Variants in AURKAIP1 observed in about 807,000 individuals in gnomAD.
AURKAIP1 encodes aurora kinase A interacting protein 1.
Under a neutral mutation model 18.4 loss-of-function variants are expected in AURKAIP1, and 20 were observed. That is an observed-to-expected ratio of 1.09 (90% confidence interval 0.77 to 1.58). The LOEUF is 1.58. Ranked by LOEUF, AURKAIP1 falls within the 40% of genes most tolerant of loss-of-function variation. AURKAIP1 has a pLI of 0.00. For missense variants in AURKAIP1, 319 were observed against 270.7 expected (o/e 1.18, Z -1.25); for synonymous variants, 156 against 120.8 (o/e 1.29, Z -1.91).
chr1:1,374,451 G>T lies in AURKAIP1; in HGVS notation c.53-6C>A. On this transcript the variant is annotated splice_polypyrimidine_tract_variant and splice_region_variant and intron_variant, in intron 2 of 3. Transcript: ENST00000338338. ...GGGCCAAGGCGGGCGGCCGCCTGCAGAAAACCAGACGCCACGGTCACCGCT... is the reference window on the plus strand; with the variant it reads ...GGGCCAAGGCGGGCGGCCGCCTGCATAAAACCAGACGCCACGGTCACCGCT... The T allele has an allele frequency of 5.5e-6, 8 of 1,444,154 alleles. No homozygotes were observed. Among genetic ancestry groups the T allele is most frequent in the Non-Finnish European group, 7.3e-6 (8 of 1,103,336 alleles). 89.5% of individuals were successfully genotyped at this position (1,444,154 alleles called of 1,614,324 possible). A position where few individuals can be genotyped will look rare whatever the true frequency, so the allele number is the denominator to read the frequency against.
At chr1:1,374,622 CGG>C in intron 2 of AURKAIP1, 81 bp downstream of exon 2, 3 of 1,461,052 alleles carry the variant, frequency 2.1e-6, no homozygotes, top group Non-Finnish European at 2.8e-6. Context: ...GTGTGGCCAC[CGG>C]CCCTGCCCCA....
chr1:1,374,980 G>A, intron 1 of AURKAIP1, 174 bp downstream of exon 1: 2 of 505,364 alleles, frequency 4.0e-6, no homozygotes, highest in Non-Finnish European at 7.0e-6. Context: ...CGCGGGCGGT[G>A]TCGCGCTCGG....
chr1:1,373,893 C>G lies in AURKAIP1; in HGVS notation c.508G>C (p.Glu170Gln), dbSNP rs1288646124. 6.2e-7 allele frequency: 1 copy of G among 1,608,876 alleles called. No homozygotes were observed. The highest frequency in any genetic ancestry group is 1.3e-5 in the African/African-American group (1 of 75,062). ...GRLRRKQIKF[E>Q]KDLRRIWLKA... Reference sequence around the variant, plus strand: ...AGCCAGATGCGCCTCAGGTCTTTCTCGAACTTGATCTGCAAGACGCAGAGA... The same window carrying G: ...AGCCAGATGCGCCTCAGGTCTTTCTGGAACTTGATCTGCAAGACGCAGAGA... Residue 170 changes from glutamate (E) to glutamine (Q), a missense_variant, in exon 4 of 4, where the codon GAG becomes CAG. Coordinates refer to ENST00000338338, the MANE Select transcript of AURKAIP1 (RefSeq NM_017900.3).
Position 1,374,180 on chromosome 1 carries a change from G to A in AURKAIP1, c.318C>T (p.Ser106=). ...APPQSYQCPP[S]QIGEGAEQGD... is the part of the protein sequence containing the mutation. ...CCTGCTCGGCCCCTTCCCCTATCTGGCTGGGCGGACACTGGTAGGATTGCG... is the reference window on the plus strand; with the variant it reads ...CCTGCTCGGCCCCTTCCCCTATCTGACTGGGCGGACACTGGTAGGATTGCG... The change falls in exon 3 of 4, where the codon AGC becomes AGT. Residue 106 remains serine (S), a synonymous_variant. Coordinates refer to ENST00000338338, the MANE Select transcript of AURKAIP1 (RefSeq NM_017900.3). 1 of 1,613,788 alleles carries A rather than the reference G, an allele frequency of 6.2e-7. No individual in the cohort carries two copies. Among genetic ancestry groups the A allele is most frequent in the Non-Finnish European group, 8.5e-7 (1 of 1,180,036 alleles).
chr1:1,374,838 T>C, intron 1 of AURKAIP1, 48 bp from the exon 2 acceptor site: 3 of 1,382,212 alleles, frequency 2.2e-6, no homozygotes, highest in South Asian at 2.7e-5. Context: ...CCTTCAGTAG[T>C]CGCGGGCGGG....
chr1:1,374,224 C>T lies in AURKAIP1; in HGVS notation c.274G>A (p.Ala92Thr), dbSNP rs201095673. 2.4e-5 allele frequency: 39 copies of T among 1,612,700 alleles called. No homozygotes were observed. Among genetic ancestry groups the T allele is most frequent in the African/African-American group, 4.0e-5 (3 of 74,944 alleles). Reference protein sequence around the residue: ...CFLPRLDTGTAGTVAPPQSYQ... With the variant: ...CFLPRLDTGTTGTVAPPQSYQ... ...GATTGCGGTGGAGCCACAGTCCCTG[C>T]GGTCCCGGTATCCAGTCTGGGCAGG... The change falls in exon 3 of 4, where the codon GCA becomes ACA. Residue 92 changes from alanine (A) to threonine (T), a missense_variant. Coordinates refer to ENST00000338338, the MANE Select transcript of AURKAIP1 (RefSeq NM_017900.3).
Position 1,374,362 on chromosome 1 carries a change from C to T in AURKAIP1, c.136G>A (p.Gly46Ser). The T allele has an allele frequency of 1.3e-6, 2 of 1,526,372 alleles. No individual in the cohort carries two copies. Among genetic ancestry groups the T allele is most frequent in the South Asian group, 1.2e-5 (1 of 80,418 alleles). 94.6% of individuals were successfully genotyped at this position (1,526,372 alleles called of 1,614,324 possible). The change falls in exon 3 of 4, where the codon GGT becomes AGT. Residue 46 changes from glycine to serine, a missense_variant. Coordinates refer to ENST00000338338, the MANE Select transcript of AURKAIP1 (RefSeq NM_017900.3). ...TTGCGAGGGAGAGAGGCCGCCCTAC[C>T]TGGGCCGGCCGGCGATGTGCTGTAA... ...PLYSTSPAGP[G>S]RAASLPRKGA... is the part of the protein sequence containing the mutation.
At chr1:1,374,520 G>A in intron 2 of AURKAIP1, 75 bp from the exon 3 acceptor site, 4 of 1,381,646 alleles carry the variant, frequency 2.9e-6, no homozygotes, top group African/African-American at 2.9e-5. Context: ...CAGCAGGTTC[G>A]TCCCAGCGAG....
Position 1,373,748 on chromosome 1 carries a change from G to A in AURKAIP1, c.*53C>T. On this transcript the variant is annotated 3_prime_UTR_variant, in exon 4 of 4. Coordinates refer to ENST00000338338, the MANE Select transcript of AURKAIP1 (RefSeq NM_017900.3). ...CCGCAGGAAAGGCTGAGTCCTCTGA[G>A]AATTTATTACTACGGATCACAGCAG... 6.6e-7 allele frequency: 1 copy of A among 1,508,212 alleles called. No homozygotes were observed. Among genetic ancestry groups the A allele is most frequent in the Non-Finnish European group, 9.0e-7 (1 of 1,113,712 alleles). 93.4% of individuals were successfully genotyped at this position (1,508,212 alleles called of 1,614,324 possible). A position where few individuals can be genotyped will look rare whatever the true frequency, so the allele number is the denominator to read the frequency against.
In AURKAIP1 at chr1:1,373,814, A is replaced by G. The variant is rs1227004953; in HGVS notation, c.587T>C (p.Leu196Pro). 1 of 1,600,672 alleles carries G rather than the reference A, an allele frequency of 6.2e-7. No homozygotes were observed. Among genetic ancestry groups the G allele is most frequent in the Non-Finnish European group, 8.5e-7 (1 of 1,179,798 alleles). Residue 196 changes from leucine (L) to proline (P), a missense_variant, in exon 4 of 4, where the codon CTG becomes CCG. Physicochemically the swap from Leu to Pro is moderately conservative, Grantham distance 98. Coordinates refer to ENST00000338338, the MANE Select transcript of AURKAIP1 (RefSeq NM_017900.3). ...PEGWQTPKIY[L>P]RGK Reference sequence around the variant, plus strand: ...GCGGCGCCAGACTCATTTGCCCCGCAGGTAGATCTTGGGGGTCTGCCAGCC... The same window carrying G: ...GCGGCGCCAGACTCATTTGCCCCGCGGGTAGATCTTGGGGGTCTGCCAGCC...
Position 1,374,442 on chromosome 1 carries a change from C to A in AURKAIP1, c.56G>T (p.Gly19Val). The change falls in exon 3 of 4, where the codon GGC becomes GTC. Residue 19 changes from glycine to valine, a missense_variant. Transcript: ENST00000338338. ...TCCAGAGACGGGCCAAGGCGGGCGG[C>A]CGCCTGCAGAAAACCAGACGCCACG... ...QLLRAVPWAG[G>V]RPPWPVSGVL... is the part of the protein sequence containing the mutation. 1 of 1,444,454 alleles carries A rather than the reference C, an allele frequency of 6.9e-7. No individual in the cohort carries two copies. Among genetic ancestry groups the A allele is most frequent in the Non-Finnish European group, 9.1e-7 (1 of 1,103,696 alleles). 89.5% of individuals were successfully genotyped at this position (1,444,454 alleles called of 1,614,324 possible). A position where few individuals can be genotyped will look rare whatever the true frequency, so the allele number is the denominator to read the frequency against.
Position 1,373,915 on chromosome 1 carries a change from G to A in AURKAIP1, c.499-13C>T, listed in dbSNP as rs753524712. ...TCTCGAACTTGATCTGCAAGACGCA[G>A]AGAGAGGGACCGCCAAGTAATTCGT... On this transcript the variant is annotated splice_polypyrimidine_tract_variant and intron_variant, in intron 3 of 3. Coordinates refer to ENST00000338338, the MANE Select transcript of AURKAIP1 (RefSeq NM_017900.3). 48 of 1,609,132 alleles carry A rather than the reference G, an allele frequency of 3.0e-5. No homozygotes were observed. The highest frequency in any genetic ancestry group is 3.9e-5 in the Non-Finnish European group (46 of 1,179,970).
Position 1,374,327 on chromosome 1 carries a change from C to T in AURKAIP1, c.171G>A (p.Gln57=), listed in dbSNP as rs148649999. 2.7e-5 allele frequency: 43 copies of T among 1,572,262 alleles called. No homozygotes were observed. The Admixed American group carries it at 7.6e-4, about 28-fold the overall frequency. ...GGACCAGCATCTCCTCCAGCTCCAG[C>T]TGGGCCCCCTTGCGAGGGAGAGAGG... is the stretch of plus-strand genomic sequence containing the variant. ...RAASLPRKGA[Q]LELEEMLVPR... Residue 57 remains glutamine (Q), a synonymous_variant, in exon 3 of 4, where the codon CAG becomes CAA. Coordinates refer to ENST00000338338, the MANE Select transcript of AURKAIP1 (RefSeq NM_017900.3).
In AURKAIP1 at chr1:1,374,241, C is replaced by T. The variant is rs775431074; in HGVS notation, c.257G>A (p.Arg86Lys). The T allele has an allele frequency of 1.2e-6, 2 of 1,611,694 alleles. No homozygotes were observed. The highest frequency in any genetic ancestry group is 1.3e-5 in the African/African-American group (1 of 74,936). ...AGTCCCTGCGGTCCCGGTATCCAGT[C>T]TGGGCAGGAAGCAGCGGGCCGTGAG... ...SWLTARCFLP[R>K]LDTGTAGTVA... The change falls in exon 3 of 4, where the codon AGA becomes AAA. Residue 86 changes from arginine to lysine, a missense_variant. Arg to Lys is a conservative substitution (Grantham distance 26). Transcript: ENST00000338338.
rs1281675622 is a variant in AURKAIP1, at chr1:1,374,395, C to T, written c.103G>A (p.Gly35Arg). ...VSGVLGSRVC[G>R]PLYSTSPAGP... ...GCCGGCGATGTGCTGTAAAGGGGCC[C>T]GCAGACCCGGCTGCCCAGCACTCCA... Residue 35 changes from glycine to arginine, a missense_variant, in exon 3 of 4, where the codon GGG becomes AGG. Gly to Arg is a moderately radical substitution (Grantham distance 125). Transcript: ENST00000338338. 1 of 1,476,622 alleles carries T rather than the reference C, an allele frequency of 6.8e-7. No homozygotes were observed. The highest frequency in any genetic ancestry group is 1.4e-5 in the South Asian group (1 of 73,082). The allele number at this position is 1,476,622 out of a possible 1,614,324, so 91.5% of individuals were successfully genotyped here. A position where few individuals can be genotyped will look rare whatever the true frequency, so the allele number is the denominator to read the frequency against.
rs780998956 is a variant in AURKAIP1 at position 1,374,049 on chromosome 1, GTCT to G, written c.446_448del (p.Lys149del). On this transcript the variant is annotated inframe_deletion, in exon 3 of 4. Coordinates refer to ENST00000338338, the MANE Select transcript of AURKAIP1 (RefSeq NM_017900.3). Reference sequence around the variant, plus strand: ...CTGGACCTTCCTCCGCAGGAACCGCGTCTTCTTCACCAGCTTCCGGTACTTGTG... The same window carrying G: ...CTGGACCTTCCTCCGCAGGAACCGCGTCTTCACCAGCTTCCGGTACTTGTG... 1.2e-6 allele frequency: 2 copies of G among 1,607,410 alleles called. No homozygotes were observed. The highest frequency in any genetic ancestry group is 1.1e-5 in the South Asian group (1 of 91,034).
chr1:1,374,839 C>A, intron 1 of AURKAIP1, 49 bp from the exon 2 acceptor site: 5 of 1,373,824 alleles, frequency 3.6e-6, no homozygotes, highest in South Asian at 2.7e-5. Context: ...CTTCAGTAGT[C>A]GCGGGCGGGC....
Position 1,374,087 on chromosome 1 carries a change from C to T in AURKAIP1, c.411G>A (p.Lys137=). 1 of 1,611,126 alleles carries T rather than the reference C, an allele frequency of 6.2e-7. No individual in the cohort carries two copies. The highest frequency in any genetic ancestry group is 1.3e-5 in the African/African-American group (1 of 75,010). ...GCTTCCGGTACTTGTGGTGGTTCAT[C>T]TTCCGCCGGCGGATCTTCAGCACGT... ...CKNVLKIRRR[K]MNHHKYRKLV... is the part of the protein sequence containing the mutation. Residue 137 remains lysine (K), a synonymous_variant, in exon 3 of 4, where the codon AAG becomes AAA. Coordinates refer to ENST00000338338, the MANE Select transcript of AURKAIP1 (RefSeq NM_017900.3).
At chr1:1,374,522 C>A (rs1302412480) in intron 2 of AURKAIP1, 77 bp from the exon 3 acceptor site, 8 of 1,381,450 alleles carry the variant, frequency 5.8e-6, no homozygotes, top group Non-Finnish European at 7.7e-6. Context: ...GCAGGTTCGT[C>A]CCAGCGAGGA....
Sources: allele counts gnomAD v4.1 joint callset, GRCh38; gene constraint gnomAD v4.1.1; transcripts MANE v1.5; gene names NCBI Gene and HGNC (gene_info 2026-07-23, HGNC 2026-07-21).